CEP85L: variants seen among roughly 807,000 people sequenced by gnomAD.
CEP85L encodes centrosomal protein of 85 kDa-like.
CEP85L carries 60 observed loss-of-function variants against 100.3 expected under a neutral mutation model. The ratio of observed to expected loss-of-function variants is 0.60; its 90% CI spans 0.49 to 0.74. The LOEUF (loss-of-function observed/expected upper bound fraction) is 0.74, where lower values mean the gene tolerates loss of function less well. Among genes scored for constraint, CEP85L ranks in the 30% least tolerant of loss-of-function variants. The probability of loss-of-function intolerance (pLI) is 0.00; values close to 1 mark genes in which losing one functional copy is unlikely to be tolerated. For missense variants in CEP85L, 973 were observed against 936.2 expected, an observed-to-expected ratio of 1.04 and a Z score of -0.51; for synonymous variants, 319 against 322.7, an observed-to-expected ratio of 0.99 and a Z score of 0.12.
At chr6:118,501,484 T>C in intron 5 of CEP85L, 1 of 437,318 alleles carries the variant, frequency 2.3e-6, no homozygotes, top group Non-Finnish European at 4.4e-6. Flanking sequence ...CTCTTTTCGT[T>C]TTCTGTGATT....
chr6:118,586,881 C>T (rs1231402481), intron 2 of CEP85L, among the ~76,000 whole-genome samples: 1 of 152,152 alleles, frequency 6.6e-6, no homozygotes, highest in African/African-American at 2.4e-5. Flanking sequence ...ACTGTAGCAC[C>T]CTCAGGGTGG....
At chr6:118,701,426 C>T (rs965428054) in intron 1 of CEP85L, among the ~76,000 whole-genome samples, 2 of 152,138 alleles carry the variant, frequency 1.3e-5, no homozygotes, top group East Asian at 1.9e-4. Flanking sequence ...ATATACACCA[C>T]GGAGTACTAC....
intron 1 of CEP85L, among the ~76,000 whole-genome samples, chr6:118,663,590 G>T (rs945067032): frequency 6.6e-6 from 1 of 152,182 alleles, no homozygotes; most frequent in African/African-American, 2.4e-5. Context: ...TACAGAATTT[G>T]TGTCAAAATG....
At chr6:118,571,383 T>C (rs905987203) in intron 2 of CEP85L, among the ~76,000 whole-genome samples, 9 of 152,228 alleles carry the variant, frequency 5.9e-5, no homozygotes, top group African/African-American at 2.2e-4. Flanking sequence ...GATGAGCTAA[T>C]GGTTTCAGAC....
chr6:118,593,861 C>T (rs1453886384), intron 2 of CEP85L, among the ~76,000 whole-genome samples: 1 of 152,090 alleles, frequency 6.6e-6, no homozygotes, highest in Non-Finnish European at 1.5e-5. Context: ...ACATCATCCA[C>T]AATGTTCTTT....
intron 5 of CEP85L, among the ~76,000 whole-genome samples, chr6:118,492,853 A>C (rs1774665989): frequency 6.6e-6 from 1 of 152,148 alleles, no homozygotes; most frequent in Non-Finnish European, 1.5e-5. Flanking sequence ...AGGGTGTTAC[A>C]GAAGTAAATT....
chr6:118,680,013 C>G (rs1204293431), intron 1 of CEP85L, among the ~76,000 whole-genome samples: 1 of 151,482 alleles, frequency 6.6e-6, no homozygotes, highest in Non-Finnish European at 1.5e-5. Flanking sequence ...TGGCAGGGTA[C>G]AGTGTCTCAT....
chr6:118,618,894 C>A (rs1231213216), intron 2 of CEP85L, among the ~76,000 whole-genome samples: 1 of 152,168 alleles, frequency 6.6e-6, no homozygotes, highest in Non-Finnish European at 1.5e-5. Flanking sequence ...GGCCTTGCCA[C>A]CCCAGAACAG....
chr6:118,638,410 A>G (rs368143393), intron 1 of CEP85L, among the ~76,000 whole-genome samples: 19 of 152,102 alleles, frequency 1.2e-4, no homozygotes, highest in African/African-American at 4.6e-4. Flanking sequence ...CACAGTCTGA[A>G]AAGAATGACA....
At chr6:118,661,798 G>C (rs1775981969) in intron 1 of CEP85L, among the ~76,000 whole-genome samples, 1 of 152,208 alleles carries the variant, frequency 6.6e-6, no homozygotes, top group Non-Finnish European at 1.5e-5. Context: ...GAAGACAATT[G>C]TAAGTCGGAG....
At chr6:118,512,528 T>C (rs968145793) in intron 4 of CEP85L, among the ~76,000 whole-genome samples, 2 of 152,118 alleles carry the variant, frequency 1.3e-5, no homozygotes, top group Non-Finnish European at 2.9e-5. Context: ...AGAGACATTT[T>C]CAATTTTCAC....
chr6:118,678,921 A>ACTGT (rs10665669), intron 1 of CEP85L, among the ~76,000 whole-genome samples: 68,608 of 151,708 alleles, frequency 0.45, 16,100 homozygotes, highest in African/African-American at 0.57. Flanking sequence ...ACAGAGTGAG[A>ACTGT]CTAAGAAAAT....
At chr6:118,594,747 T>G (rs540885526) in intron 2 of CEP85L, among the ~76,000 whole-genome samples, 88 of 150,108 alleles carry the variant, frequency 5.9e-4, no homozygotes, top group Non-Finnish European at 1.1e-3. Flanking sequence ...TCCCAGCTAC[T>G]CGGTAGGCTG....
chr6:118,519,109 C>T (rs894461939), intron 4 of CEP85L, among the ~76,000 whole-genome samples: 2 of 151,738 alleles, frequency 1.3e-5, no homozygotes, highest in Admixed American at 6.6e-5. Context: ...AATGCCTATA[C>T]CAGAAAAAAA....
At chr6:118,597,386 ACT>A (rs1397984987) in intron 2 of CEP85L, among the ~76,000 whole-genome samples, 1 of 152,222 alleles carries the variant, frequency 6.6e-6, no homozygotes, top group African/African-American at 2.4e-5. Context: ...GCAATCACTC[ACT>A]GTTTCATACA....
intron 3 of CEP85L, among the ~76,000 whole-genome samples, chr6:118,531,367 T>C (rs1777282104): frequency 6.6e-6 from 1 of 152,148 alleles, no homozygotes; most frequent in South Asian, 2.1e-4. Context: ...CAACTCAAGA[T>C]GAATTAAAGA....
chr6:118,673,821 A>G (rs1366513527), intron 1 of CEP85L, among the ~76,000 whole-genome samples: 1 of 152,142 alleles, frequency 6.6e-6, no homozygotes, highest in East Asian at 1.9e-4. Flanking sequence ...GTAATGTAAA[A>G]AAGGAAATTA....
chr6:118,696,586 T>C (rs1777219807), intron 1 of CEP85L, among the ~76,000 whole-genome samples: 2 of 152,204 alleles, frequency 1.3e-5, no homozygotes, highest in South Asian at 4.1e-4. Flanking sequence ...CATGAGCCCG[T>C]TGAGTGAGCC....
chr6:118,563,871 A>C (rs997746358), intron 3 of CEP85L, among the ~76,000 whole-genome samples: 2 of 152,194 alleles, frequency 1.3e-5, no homozygotes, highest in East Asian at 1.9e-4. Context: ...TAGTTTTCTA[A>C]GGAGGAAATT....
Sources: gnomAD v4.1 joint callset for allele counts (sites outside exome capture counted in the v4.1 genomes callset) on GRCh38, gnomAD v4.1.1 for gene constraint, MANE v1.5 for transcripts, NCBI Gene and HGNC (gene_info 2026-07-23, HGNC 2026-07-21) for gene names.